The following PIK3CD variants were observed in gnomAD, a reference collection of about 807,000 sequenced individuals.
The protein encoded by PIK3CD is phosphatidylinositol 4,5-bisphosphate 3-kinase catalytic subunit delta isoform.
PIK3CD carries 20 observed loss-of-function variants against 122.9 expected under a neutral mutation model. That is an observed-to-expected ratio of 0.16 (90% CI 0.11 to 0.24). The LOEUF (loss-of-function observed/expected upper bound fraction) is 0.24. Ranked by LOEUF, PIK3CD falls within the 10% of genes least tolerant of loss-of-function variation. PIK3CD has a pLI of 1.00. For synonymous variants in PIK3CD, 596 were observed against 593.4 expected, an observed-to-expected ratio of 1.00 and a Z score of -0.06; for missense variants, 787 against 1,406.3, an observed-to-expected ratio of 0.56 and a Z score of 7.04.
intron 1 of PIK3CD, among the ~76,000 whole-genome samples, chr1:9,673,272 T>G (rs372209634): frequency 3.9e-5 from 6 of 151,916 alleles, no homozygotes; most frequent in African/African-American, 1.5e-4. Context: ...ATTTTTTTAA[T>G]TTTTTGAAAC....
At chr1:9,674,654 C>T (rs1645444222) in intron 1 of PIK3CD, among the ~76,000 whole-genome samples, 1 of 141,832 alleles carries the variant, frequency 7.1e-6, no homozygotes, top group Admixed American at 7.6e-5. Context: ...CATGCCACTG[C>T]ACCACTCCAG....
intron 23 of PIK3CD, among the ~76,000 whole-genome samples, chr1:9,726,496 G>T (rs1649640623): frequency 6.6e-6 from 1 of 152,306 alleles, no homozygotes; most frequent in Non-Finnish European, 1.5e-5. Flanking sequence ...GCGACAGAGT[G>T]AGACTGTCTC....
Position 9,722,396 on chromosome 1 carries a change from T to TG in PIK3CD, c.2347+46dup, listed in dbSNP as rs963548915. The TG allele has an allele frequency of 2.6e-6, 4 of 1,563,820 alleles. No individual in the cohort carries two copies. Among genetic ancestry groups the TG allele is most frequent in the Non-Finnish European group, 3.5e-6 (4 of 1,137,802 alleles). On this transcript the variant is annotated intron_variant, in intron 18 of 23. Coordinates refer to ENST00000377346, the MANE Select transcript of PIK3CD (RefSeq NM_005026.5). This position sits in a 1 kb window ranked among gnomAD's most constrained non-coding sequence, Gnocchi z 7.6. The stretch of plus-strand genomic sequence containing the variant: ...TCCCCACACCCCGCCTGTACTGCCC[T>TG]GGGGGGTCCTGGGGTGCTCCTAGAG...
chr1:9,640,935 G>A, the PIK3CD span, among the ~76,000 whole-genome samples: 21 of 152,154 alleles, frequency 1.4e-4, 1 homozygote, highest in East Asian at 4.0e-3. Flanking sequence ...TCTGGCCTTC[G>A]AGACCCACGC....
the PIK3CD span, among the ~76,000 whole-genome samples, chr1:9,627,432 G>A: frequency 3.3e-5 from 5 of 152,256 alleles, no homozygotes; most frequent in Non-Finnish European, 5.9e-5. Context: ...AACAGGCTGG[G>A]GTTTGAATCC....
Position 9,727,265 on chromosome 1 carries a change from G to T in PIK3CD, c.*219G>T. The T allele has an allele frequency of 1.7e-6, 1 of 598,808 alleles. No individual in the cohort carries two copies. The highest frequency in any genetic ancestry group is 1.9e-5 in the South Asian group (1 of 51,558). 37.1% of individuals were successfully genotyped at this position (598,808 alleles called of 1,614,324 possible). On this transcript the variant is annotated 3_prime_UTR_variant, in exon 24 of 24. Coordinates refer to ENST00000377346, the MANE Select transcript of PIK3CD (RefSeq NM_005026.5). ...GCCTCCTTCATGCAGCGGCGGTGCT[G>T]GGCCCCCCGAGGCTGCACCTGGCTC...
At chr1:9,714,652 G>A (rs1250000368) in intron 3 of PIK3CD, among the ~76,000 whole-genome samples, 2 of 151,998 alleles carry the variant, frequency 1.3e-5, no homozygotes, top group African/African-American at 4.8e-5. Context: ...ACAGCTTGGC[G>A]CCATCCCACT....
At chr1:9,646,979 C>T (rs1342988717), upstream of PIK3CD, among the ~76,000 whole-genome samples, 2 of 149,698 alleles carry the variant, frequency 1.3e-5, no homozygotes, top group Non-Finnish European at 3.0e-5. Context: ...GGCATGGTGG[C>T]GGGCGCCTGT....
At chr1:9,708,084 G>A (rs551535709) in intron 2 of PIK3CD, among the ~76,000 whole-genome samples, 31 of 151,756 alleles carry the variant, frequency 2.0e-4, no homozygotes, top group Admixed American at 5.3e-4. Flanking sequence ...GTGAGCCACC[G>A]CGCCTGGTCC....
In PIK3CD at chr1:9,654,811, G is replaced by A. The variant is rs182271540; in HGVS notation, c.-138+3009G>A. Among the ~76,000 whole-genome samples the A allele has an allele frequency of 3.4e-3, 525 of 152,202 alleles. 6 individuals are homozygous for A. Among genetic ancestry groups the A allele is most frequent in the East Asian group, 0.025 (130 of 5,180 alleles). On this transcript the variant is annotated intron_variant, in intron 1 of 23. Transcript: ENST00000377346. ...GCGGTGGCTCACGCCTGTAATTCCA[G>A]CACTTTGGGAGGCCGAGGTGGGCGG...
chr1:9,639,159 C>T, the PIK3CD span, among the ~76,000 whole-genome samples: 2 of 152,280 alleles, frequency 1.3e-5, no homozygotes, highest in South Asian at 4.1e-4. Context: ...CCTTCTCCCT[C>T]TCCTGCATGT....
intron 2 of PIK3CD, among the ~76,000 whole-genome samples, chr1:9,706,357 G>T (rs2100711635): frequency 6.6e-6 from 1 of 151,918 alleles, no homozygotes; most frequent in Non-Finnish European, 1.5e-5. Context: ...GCAGGGCATG[G>T]TGGCACAAGC....
At position 9,721,984 on chromosome 1, in the gene PIK3CD, C is replaced by G; in HGVS notation, c.2065C>G (p.Leu689Val). The G allele has an allele frequency of 6.2e-7, 1 of 1,613,644 alleles. No individual in the cohort carries two copies. Among genetic ancestry groups the G allele is most frequent in the Non-Finnish European group, 8.5e-7 (1 of 1,180,028 alleles). ...CCCATCTGCCCACCAGGGGGAAGCA[C>G]TGAGCAAACTGAAGGCCCTGAATGA... Reference protein sequence around the residue: ...MKVLMKQGEALSKLKALNDFV... With the variant: ...MKVLMKQGEAVSKLKALNDFV... Residue 689 changes from leucine (L) to valine (V), a missense_variant, in exon 17 of 24, where the codon CTG (leucine) becomes GTG (valine). Around this residue, in one of 6 missense-constraint regions of PIK3CD, gnomAD observed 48 missense variants for 71.9 expected, o/e 0.67. Transcript: ENST00000377346.
At chr1:9,690,480 C>T (rs1265494975) in intron 1 of PIK3CD, among the ~76,000 whole-genome samples, 1 of 152,182 alleles carries the variant, frequency 6.6e-6, no homozygotes, top group Non-Finnish European at 1.5e-5. Flanking sequence ...AATTGGTCAG[C>T]AATGGAAGGG....
At chr1:9,660,589 C>A (rs1403080502) in intron 1 of PIK3CD, among the ~76,000 whole-genome samples, 1 of 152,132 alleles carries the variant, frequency 6.6e-6, no homozygotes, top group Admixed American at 6.6e-5. Context: ...GTCATACCAT[C>A]GTCCTTCCCA....
upstream of PIK3CD, among the ~76,000 whole-genome samples, chr1:9,647,261 GC>G (rs1370650763): frequency 1.3e-5 from 2 of 151,626 alleles, no homozygotes; most frequent in Non-Finnish European, 2.9e-5. Flanking sequence ...AAAAAAATTA[GC>G]CCATGCCTGT....
intron 1 of PIK3CD, among the ~76,000 whole-genome samples, chr1:9,660,291 G>A (rs754638667): frequency 8.5e-5 from 13 of 152,200 alleles, no homozygotes; most frequent in Admixed American, 3.3e-4. Context: ...ATAATGCTGC[G>A]TTGTGAACAT....
intron 2 of PIK3CD, among the ~76,000 whole-genome samples, chr1:9,705,224 A>G (rs1199302415): frequency 6.6e-6 from 1 of 151,410 alleles, no homozygotes; most frequent in Non-Finnish European, 1.5e-5. Context: ...TAATCCCAGC[A>G]CTTTGGGATA....
chr1:9,689,481 CCCCGCCCCCAG>C lies in PIK3CD; in HGVS notation c.-137-1983_-137-1973del, dbSNP rs1646107725. Among the ~76,000 whole-genome samples, 1 of 146,436 alleles carries C rather than the reference CCCCGCCCCCAG, an allele frequency of 6.8e-6. No homozygotes were observed. The highest frequency in any genetic ancestry group is 1.5e-5 in the Non-Finnish European group (1 of 65,694). Reference sequence around the variant, plus strand: ...CGGCCCCGCCCCAGCCCCGAGGACGCCCCGCCCCCAGCCGGCGCCCCGCCCCGCCTGCCAGT... The same window carrying C: ...CGGCCCCGCCCCAGCCCCGAGGACGCCCGGCGCCCCGCCCCGCCTGCCAGT... On this transcript the variant is annotated intron_variant, in intron 1 of 23. Coordinates refer to ENST00000377346, the MANE Select transcript of PIK3CD (RefSeq NM_005026.5). This position sits in a 1 kb window ranked among gnomAD's most constrained non-coding sequence, Gnocchi z 6.1.
Sources: gnomAD v4.1 joint callset for allele counts (sites outside exome capture counted in the v4.1 genomes callset) on GRCh38, gnomAD v4.1.1 for gene constraint, gnomAD v4.1.1 regional missense constraint, Gnocchi (gnomAD v3.1) non-coding constraint, MANE v1.5 for transcripts, NCBI Gene and HGNC (gene_info 2026-07-23, HGNC 2026-07-21) for gene names.